Variants in JARID2 observed in about 807,000 individuals in gnomAD.
JARID2 encodes the protein protein Jumonji.
JARID2 carries 21 observed loss-of-function variants against 125.6 expected under a neutral mutation model. That is an observed-to-expected ratio of 0.17 (90% CI 0.12 to 0.24). The LOEUF is 0.24. JARID2 is among the 10% of genes least tolerant of loss of function. JARID2 has a pLI of 1.00. For missense variants in JARID2, 1,303 were observed against 1,639.6 expected (o/e 0.79, Z 3.55); for synonymous variants, 736 against 661.6 (o/e 1.11, Z -1.73).
intron 2 of JARID2, among the ~76,000 whole-genome samples, chr6:15,383,555 C>A (rs1764672005): frequency 6.6e-6 from 1 of 152,084 alleles, no homozygotes; most frequent in Admixed American, 6.5e-5. Flanking sequence ...GCAAAATCCC[C>A]CATAAGAAAA....
chr6:15,309,932 C>T (rs901455739), intron 1 of JARID2, among the ~76,000 whole-genome samples: 4 of 152,086 alleles, frequency 2.6e-5, no homozygotes, highest in African/African-American at 2.4e-5. Flanking sequence ...CTCCAGGAAA[C>T]GTGTATTACT....
intron 3 of JARID2, among the ~76,000 whole-genome samples, chr6:15,434,765 T>C (rs1011647437): frequency 2.0e-5 from 3 of 152,234 alleles, no homozygotes; most frequent in African/African-American, 7.2e-5. Context: ...TTTTCATCTA[T>C]AGGACAGTGT....
chr6:15,369,147 A>T (rs1764076781), intron 1 of JARID2, among the ~76,000 whole-genome samples: 1 of 152,276 alleles, frequency 6.6e-6, no homozygotes, highest in Non-Finnish European at 1.5e-5. Context: ...TTATGTGTGT[A>T]TTATAGAACT....
chr6:15,493,581 AG>A (rs1248348315), intron 6 of JARID2, among the ~76,000 whole-genome samples: 2 of 152,120 alleles, frequency 1.3e-5, no homozygotes, highest in African/African-American at 4.8e-5. Flanking sequence ...CCAACTGTAG[AG>A]GTGTTGTCTT....
intron 4 of JARID2, among the ~76,000 whole-genome samples, chr6:15,463,222 AC>A (rs2127664819): frequency 6.6e-6 from 1 of 152,276 alleles, no homozygotes; most frequent in South Asian, 2.1e-4. Context: ...AAAATCCCAC[AC>A]AATTCCCAAA....
At chr6:15,342,849 G>T (rs1003451826) in intron 1 of JARID2, among the ~76,000 whole-genome samples, 29 of 152,192 alleles carry the variant, frequency 1.9e-4, no homozygotes, top group Non-Finnish European at 3.5e-4. Context: ...CTAGTACTAA[G>T]TTAGGAAATT....
intron 1 of JARID2, among the ~76,000 whole-genome samples, chr6:15,306,518 A>G (rs1010756746): frequency 6.6e-6 from 1 of 151,670 alleles, no homozygotes; most frequent in Non-Finnish European, 1.5e-5. Flanking sequence ...ATTTTTAGTT[A>G]GTAGAGACAG....
intron 1 of JARID2, among the ~76,000 whole-genome samples, chr6:15,310,735 C>T (rs958742668): frequency 6.6e-6 from 1 of 152,190 alleles, no homozygotes; most frequent in Admixed American, 6.5e-5. Context: ...CCGCTTGGCT[C>T]TTTGGTGGCC....
At chr6:15,472,466 T>C (rs1769124245) in intron 5 of JARID2, among the ~76,000 whole-genome samples, 1 of 152,246 alleles carries the variant, frequency 6.6e-6, no homozygotes, top group Non-Finnish European at 1.5e-5. Flanking sequence ...AGCTGGCTTA[T>C]AATTTTAATT....
At chr6:15,487,613 AT>A (rs1157816405) in intron 6 of JARID2, 71 bp downstream of exon 6, 1 of 1,320,054 alleles carries the variant, frequency 7.6e-7, no homozygotes, top group Non-Finnish European at 1.0e-6. Context: ...CAAGCTAAAA[AT>A]TCATCTTCAG....
chr6:15,287,788 C>G (rs758912434), intron 1 of JARID2, among the ~76,000 whole-genome samples: 1 of 152,206 alleles, frequency 6.6e-6, no homozygotes, highest in Non-Finnish European at 1.5e-5. Context: ...CCATGTTAAA[C>G]ATGCCCATAG....
At chr6:15,411,287 A>C (rs1332046959) in intron 3 of JARID2, among the ~76,000 whole-genome samples, 2 of 152,256 alleles carry the variant, frequency 1.3e-5, no homozygotes, top group Admixed American at 1.3e-4. Context: ...AGAACAGAAT[A>C]GAGTGAAAAA....
chr6:15,448,786 C>T (rs2127633996), intron 3 of JARID2, among the ~76,000 whole-genome samples: 1 of 152,186 alleles, frequency 6.6e-6, no homozygotes, highest in East Asian at 1.9e-4. Context: ...TCCTCTGACA[C>T]TGTGTGCTCG....
At chr6:15,508,925 G>C (rs1324147317) in intron 12 of JARID2, 1 of 1,282,118 alleles carries the variant, frequency 7.8e-7, no homozygotes, top group Non-Finnish European at 1.0e-6. Flanking sequence ...TCTAGTAACT[G>C]AATATAAACC....
At chr6:15,508,254 C>T (rs1771105136) in intron 11 of JARID2, 86 bp from the exon 12 acceptor site, 5 of 726,402 alleles carry the variant, frequency 6.9e-6, no homozygotes, top group South Asian at 4.6e-5. Context: ...CTTGTTTTAG[C>T]GGAAGAAAGA....
intron 3 of JARID2, among the ~76,000 whole-genome samples, chr6:15,433,922 G>GTA (rs1767083718): frequency 1.8e-4 from 1 of 5,704 alleles, no homozygotes; most frequent in Non-Finnish European, 6.0e-4. Context: ...ACTCTCCAGG[G>GTA]TGTGTGTGTG....
chr6:15,490,359 C>T, intron 6 of JARID2, among the ~76,000 whole-genome samples: 1 of 152,076 alleles, frequency 6.6e-6, no homozygotes, highest in East Asian at 1.9e-4. Context: ...AGTGCCTTTG[C>T]TCTGCTTGCT....
chr6:15,411,104 T>A lies in JARID2; in HGVS notation c.323+739T>A, dbSNP rs576512694. Among the ~76,000 whole-genome samples, 67 of 152,352 alleles carry A rather than the reference T, an allele frequency of 4.4e-4. No homozygotes were observed. In the South Asian group the frequency reaches 7.0e-3, roughly 16 times the overall value. On this transcript the variant is annotated intron_variant, in intron 3 of 17. Coordinates refer to ENST00000341776, the MANE Select transcript of JARID2 (RefSeq NM_004973.4). ...TTCCCTGTTAGAATTTATATTTCCC[T>A]TTGTTCTCTTTATGTTTACCTGGAG...
At chr6:15,389,831 G>A (rs985280220) in intron 2 of JARID2, among the ~76,000 whole-genome samples, 8 of 152,178 alleles carry the variant, frequency 5.3e-5, no homozygotes, top group African/African-American at 1.9e-4. Context: ...GTAATATGAT[G>A]GTATGGACCC....
Sources: allele counts gnomAD v4.1 joint callset (sites outside exome capture counted in the v4.1 genomes callset), GRCh38; gene constraint gnomAD v4.1.1; transcripts MANE v1.5; gene names NCBI Gene and HGNC (gene_info 2026-07-23, HGNC 2026-07-21).